RNF216: variants seen among roughly 807,000 people sequenced by gnomAD.
RNF216 encodes E3 ubiquitin-protein ligase RNF216.
RNF216 carries 72 observed loss-of-function variants against 110.8 expected under a neutral mutation model. The ratio of observed to expected loss-of-function variants is 0.65; its 90% confidence interval spans 0.54 to 0.79. The LOEUF (loss-of-function observed/expected upper bound fraction) is 0.79, where lower values mean the gene tolerates loss of function less well. Among genes scored for constraint, RNF216 ranks in the 30% least tolerant of loss-of-function variants. The pLI, the probability that RNF216 is intolerant of heterozygous loss-of-function variation, is 0.00. For synonymous variants in RNF216, 495 were observed against 407.5 expected, an observed-to-expected ratio of 1.21 and a Z score of -2.59; for missense variants, 1,342 against 1,141.2, an observed-to-expected ratio of 1.18 and a Z score of -2.54.
chr7:5,772,288 G>C (rs1796539273), intron 1 of RNF216, among the ~76,000 whole-genome samples: 1 of 152,126 alleles, frequency 6.6e-6, no homozygotes, highest in Non-Finnish European at 1.5e-5. Flanking sequence ...GAAGACAGTA[G>C]TAGTAACAGC....
chr7:5,702,091 C>T (rs1481331092), intron 13 of RNF216, among the ~76,000 whole-genome samples: 1 of 152,160 alleles, frequency 6.6e-6, no homozygotes, highest in African/African-American at 2.4e-5. Context: ...TCGGAGCCCA[C>T]GCTGACTCTA....
intron 13 of RNF216, among the ~76,000 whole-genome samples, chr7:5,689,915 T>A (rs1241331607): frequency 6.8e-6 from 1 of 147,110 alleles, no homozygotes; most frequent in Non-Finnish European, 1.5e-5. Context: ...CATTCCAGCC[T>A]GGGTGACTCT....
chr7:5,733,448 A>T (rs889268866), intron 5 of RNF216, among the ~76,000 whole-genome samples: 1 of 152,314 alleles, frequency 6.6e-6, no homozygotes, highest in East Asian at 1.9e-4. Flanking sequence ...AATCTTGAAG[A>T]TATATTTAAA....
At chr7:5,673,633 T>G (rs987404376) in intron 13 of RNF216, among the ~76,000 whole-genome samples, 8 of 152,296 alleles carry the variant, frequency 5.3e-5, no homozygotes, top group African/African-American at 1.9e-4. Context: ...TTTGGCTAGA[T>G]CTGGAGAATA....
chr7:5,730,660 C>A lies in RNF216; in HGVS notation c.1224+55G>T. On this transcript the variant is annotated intron_variant, in intron 6 of 16. Transcript: ENST00000389902. ...ACAGAGATAACAACAACAACAACAA[C>A]AACAAAGCACAGCATTTCCAGGCAG... 5 of 1,598,808 alleles carry A rather than the reference C, an allele frequency of 3.1e-6. No homozygotes were observed. The South Asian group carries it at 3.3e-5, about 11-fold the overall frequency.
chr7:5,648,697 C>T (rs926551966), intron 14 of RNF216, among the ~76,000 whole-genome samples: 4 of 147,968 alleles, frequency 2.7e-5, no homozygotes, highest in Non-Finnish European at 4.5e-5. Flanking sequence ...CACTGCATTC[C>T]AGCCTGGGTG....
In RNF216 at chr7:5,727,431, A is replaced by G. The variant is rs181956873; in HGVS notation, c.1390-1993T>C. 4.9e-4 allele frequency among the ~76,000 whole-genome samples: 74 copies of G among 152,024 alleles called. No homozygotes were observed. The East Asian group carries it at 0.014, about 28-fold the overall frequency. On this transcript the variant is annotated intron_variant, in intron 7 of 16. Coordinates refer to ENST00000389902, the MANE Select transcript of RNF216 (RefSeq NM_207111.4). ...ACATTTTAGTCCTCATCTTGCACAA[A>G]CTCTTAGCAGCATTTAATAACATAG...
At chr7:5,731,064 A>T (rs1469140114) in intron 5 of RNF216, among the ~76,000 whole-genome samples, 1 of 152,238 alleles carries the variant, frequency 6.6e-6, no homozygotes, top group Non-Finnish European at 1.5e-5. Flanking sequence ...AACTCCTCTG[A>T]AGTTTATGTA....
rs1794037171 is a variant in RNF216, at chr7:5,730,733, G to A, written c.1206C>T (p.Ala402=). The part of the protein sequence containing the change: ...IIINPSSSLL[A]SQDETKLPKI... ...CACTTGCCTTTGTCTCATCTTGGCT[G>A]GCCAGCAGACTGCTACTGGGATTTA... The change falls in exon 6 of 17, where the codon GCC becomes GCT. Residue 402 remains alanine, a synonymous_variant. Coordinates refer to ENST00000389902, the MANE Select transcript of RNF216 (RefSeq NM_207111.4). 2 of 1,608,154 alleles carry A rather than the reference G, an allele frequency of 1.2e-6. No individual in the cohort carries two copies. Among genetic ancestry groups the A allele is most frequent in the East Asian group, 2.2e-5 (1 of 44,848 alleles).
chr7:5,768,347 A>ACACACG (rs1491485676), intron 1 of RNF216, among the ~76,000 whole-genome samples: 1 of 21,244 alleles, frequency 4.7e-5, no homozygotes, highest in Non-Finnish European at 8.8e-5. Context: ...GCAGGCAAAT[A>ACACACG]CACACACACA....
At chr7:5,699,506 G>A (rs1258452606) in intron 13 of RNF216, among the ~76,000 whole-genome samples, 1 of 152,114 alleles carries the variant, frequency 6.6e-6, no homozygotes, top group Non-Finnish European at 1.5e-5. Flanking sequence ...TCCCATACTG[G>A]CCCTGATGAT....
At chr7:5,638,142 T>G (rs1248588375) in intron 15 of RNF216, among the ~76,000 whole-genome samples, 6 of 152,234 alleles carry the variant, frequency 3.9e-5, no homozygotes, top group Non-Finnish European at 8.8e-5. Flanking sequence ...CCTGCCCCTG[T>G]GGTAACTTGG....
At position 5,711,712 on chromosome 7, in the gene RNF216, C is replaced by T. The variant is rs568236939; in HGVS notation, c.2061+49G>A. Reference sequence around the variant, plus strand: ...AGATATTTGGGCCATGAGGGCAGCCCATAATACCATAATTCAATATACATC... The same window carrying T: ...AGATATTTGGGCCATGAGGGCAGCCTATAATACCATAATTCAATATACATC... On this transcript the variant is annotated intron_variant, in intron 13 of 16. Coordinates refer to ENST00000389902, the MANE Select transcript of RNF216 (RefSeq NM_207111.4). 5.9e-5 allele frequency: 87 copies of T among 1,484,768 alleles called. 2 individuals are homozygous for T. In the South Asian group the frequency reaches 9.8e-4, roughly 17 times the overall value. The allele number at this position is 1,484,768 out of a possible 1,614,324, so 92.0% of individuals were successfully genotyped here.
intron 13 of RNF216, among the ~76,000 whole-genome samples, chr7:5,688,297 T>TA (rs957818938): frequency 2.0e-5 from 3 of 152,126 alleles, no homozygotes; most frequent in East Asian, 1.9e-4. Flanking sequence ...AACCTGTACA[T>TA]AAAAAAACAG....
At position 5,620,495 on chromosome 7, in the gene RNF216, G is replaced by A. The variant is rs1395941593; in HGVS notation, c.*2365C>T. On this transcript the variant is annotated 3_prime_UTR_variant, in exon 17 of 17. Coordinates refer to ENST00000389902, the MANE Select transcript of RNF216 (RefSeq NM_207111.4). ...GGCAGGAGCCCGAGGTTCAGGCCCT[G>A]CCTCTGGACAGAGGGGCCTGGAGAA... The A allele has an allele frequency of 2.0e-5, 3 of 152,256 alleles. No homozygotes were observed. The highest frequency in any genetic ancestry group is 1.5e-5 in the Non-Finnish European group (1 of 68,068). The allele number at this position is 152,256 out of a possible 1,614,324, so 9.4% of individuals were successfully genotyped here. A position where few individuals can be genotyped will look rare whatever the true frequency, so the allele number is the denominator to read the frequency against.
At chr7:5,757,982 G>C (rs1275821835) in intron 2 of RNF216, among the ~76,000 whole-genome samples, 3 of 152,056 alleles carry the variant, frequency 2.0e-5, no homozygotes, top group Non-Finnish European at 2.9e-5. Flanking sequence ...AACATAGTGA[G>C]ACCCTCTCTT....
chr7:5,748,605 TATACATACACACACACACACACACAC>T (rs1353908779), intron 3 of RNF216, among the ~76,000 whole-genome samples: 4 of 115,940 alleles, frequency 3.5e-5, no homozygotes, highest in Admixed American at 2.1e-4. Context: ...ATATTTTTTA[TATACATACACACACACACACACACAC>T]ACACACACAC....
At chr7:5,633,234 C>T (rs982223746) in intron 15 of RNF216, among the ~76,000 whole-genome samples, 25 of 151,942 alleles carry the variant, frequency 1.6e-4, no homozygotes, top group Non-Finnish European at 3.5e-4. Flanking sequence ...GCCTTGGCCT[C>T]CCGAAGTGCT....
chr7:5,627,682 G>A (rs1410581005), intron 15 of RNF216, among the ~76,000 whole-genome samples: 11 of 152,046 alleles, frequency 7.2e-5, no homozygotes, highest in Admixed American at 5.9e-4. Context: ...GGGAGGTGGA[G>A]GTTGCAGTGA....
Sources: gnomAD v4.1 joint callset for allele counts (sites outside exome capture counted in the v4.1 genomes callset) on GRCh38, gnomAD v4.1.1 for gene constraint, MANE v1.5 for transcripts, NCBI Gene and HGNC (gene_info 2026-07-23, HGNC 2026-07-21) for gene names.